Variants in LGR4 observed in about 807,000 individuals in gnomAD.
LGR4 encodes the protein leucine rich repeat containing G protein-coupled receptor 4.
A neutral mutation model predicts 84.8 loss-of-function variants in LGR4; 44 were observed. The observed-to-expected ratio is 0.52, with a 90% CI of 0.41 to 0.67. LGR4 has a LOEUF of 0.67. LGR4 is among the 30% of genes least tolerant of loss of function. The probability of loss-of-function intolerance (pLI) is 0.00; values close to 1 mark genes in which losing one functional copy is unlikely to be tolerated. For synonymous variants in LGR4, 429 were observed against 434.3 expected (o/e 0.99, Z 0.15); for missense variants, 1,032 against 1,131.4 (o/e 0.91, Z 1.26).
chr11:27,392,320 C>T (rs1590356909), intron 3 of LGR4, 127 bp downstream of exon 3: 1 of 686,666 alleles, frequency 1.5e-6, no homozygotes, highest in East Asian at 2.9e-5. Flanking sequence ...ATACTACTCA[C>T]TGGCCACTCC....
At position 27,461,836 on chromosome 11, in the gene LGR4, A is replaced by ATTTT. The variant is rs35205372; in HGVS notation, c.185+10278_185+10281dup. 6.9e-3 allele frequency among the ~76,000 whole-genome samples: 526 copies of ATTTT among 76,500 alleles called. 7 individuals are homozygous for ATTTT. The highest frequency in any genetic ancestry group is 0.013 in the Middle Eastern group (1 of 76). 50.2% of individuals were successfully genotyped at this position (76,500 alleles called of 152,430 possible). A position where few individuals can be genotyped will look rare whatever the true frequency, so the allele number is the denominator to read the frequency against. ...GAAGGTTCCCAAAGATTGAGTTAGG[A>ATTTT]TTTTTTTTTTTTTTTTTTTTTTTTT... On this transcript the variant is annotated intron_variant, in intron 1 of 17. Coordinates refer to ENST00000379214, the MANE Select transcript of LGR4 (RefSeq NM_018490.5).
chr11:27,418,516 A>C (rs1376218799), intron 1 of LGR4, among the ~76,000 whole-genome samples: 5 of 152,176 alleles, frequency 3.3e-5, no homozygotes, highest in Non-Finnish European at 5.9e-5. Context: ...TTCAGGTACC[A>C]AGGCTGAGTA....
intron 1 of LGR4, among the ~76,000 whole-genome samples, chr11:27,453,332 G>T (rs1864518487): frequency 6.6e-6 from 1 of 152,222 alleles, no homozygotes; most frequent in Admixed American, 6.5e-5. Context: ...CTCCCAAAGT[G>T]CTGGGATTAC....
intron 1 of LGR4, among the ~76,000 whole-genome samples, chr11:27,471,483 G>A (rs1864870670): frequency 6.6e-6 from 1 of 152,238 alleles, no homozygotes; most frequent in African/African-American, 2.4e-5. Context: ...ACTCCCCTGC[G>A]TGCTGCAGAA....
At chr11:27,385,966 A>T (rs1261813851) in intron 4 of LGR4, among the ~76,000 whole-genome samples, 1 of 152,190 alleles carries the variant, frequency 6.6e-6, no homozygotes, top group Non-Finnish European at 1.5e-5. Flanking sequence ...TATAGCAATA[A>T]AGAATCTAAA....
chr11:27,382,122 T>A, intron 7 of LGR4, 66 bp downstream of exon 7: 1 of 1,023,876 alleles, frequency 9.8e-7, no homozygotes, highest in Non-Finnish European at 1.5e-6. Context: ...TAAAATCCCA[T>A]TGTTGGAACA....
chr11:27,397,345 C>T (rs559752777), intron 2 of LGR4, among the ~76,000 whole-genome samples: 3 of 152,132 alleles, frequency 2.0e-5, no homozygotes, highest in African/African-American at 7.2e-5. Flanking sequence ...TCTTATTCTG[C>T]CTTTAGTTCC....
rs564355074 is a variant in LGR4, at chr11:27,459,110, ATGT to A, written c.185+13005_185+13007del. ...GTGAAAGGCAATAATTTCTTTTAGC[ATGT>A]TGTTATTCAGCTTATGTTCAGTAAT... On this transcript the variant is annotated intron_variant, in intron 1 of 17. Transcript: ENST00000379214. Among the ~76,000 whole-genome samples the A allele has an allele frequency of 1.6e-3, 248 of 152,328 alleles. 1 individual carries two copies. The highest frequency in any genetic ancestry group is 1.7e-3 in the Non-Finnish European group (116 of 68,018).
chr11:27,468,261 G>A lies in LGR4; in HGVS notation c.185+3857C>T, dbSNP rs189469461. ...CAGGATACATACACTGTGAAGGTTT[G>A]AGAGATTATGACTAATTATATGGAA... On this transcript the variant is annotated intron_variant, in intron 1 of 17. Transcript: ENST00000379214. Among the ~76,000 whole-genome samples, 36 of 152,282 alleles carry A rather than the reference G, an allele frequency of 2.4e-4. No homozygotes were observed. The East Asian group carries it at 3.1e-3, about 13-fold the overall frequency.
chr11:27,374,714 T>C (rs1862943482), intron 13 of LGR4, among the ~76,000 whole-genome samples: 1 of 152,116 alleles, frequency 6.6e-6, no homozygotes, highest in Non-Finnish European at 1.5e-5. Context: ...ACAAGGAAAC[T>C]CAACACACTT....
chr11:27,387,339 A>ATT (rs1346401238), intron 4 of LGR4, among the ~76,000 whole-genome samples: 2 of 152,166 alleles, frequency 1.3e-5, no homozygotes, highest in African/African-American at 4.8e-5. Flanking sequence ...ATACTCTAAA[A>ATT]ACTACCTCTG....
intron 1 of LGR4, among the ~76,000 whole-genome samples, chr11:27,444,779 T>A (rs1864359625): frequency 3.3e-5 from 5 of 152,194 alleles, no homozygotes; most frequent in Admixed American, 3.3e-4. Flanking sequence ...ATATAATCTT[T>A]CCGGGTTTTA....
At chr11:27,379,605 A>G (rs1863053521) in intron 10 of LGR4, among the ~76,000 whole-genome samples, 3 of 151,970 alleles carry the variant, frequency 2.0e-5, no homozygotes, top group South Asian at 4.2e-4. Context: ...CTGCAGTAAG[A>G]CTCCTGTGGC....
rs869261031 is a variant in LGR4 at position 27,435,915 on chromosome 11, C to CTT, written c.186-23057_186-23056dup. Among the ~76,000 whole-genome samples the CTT allele has an allele frequency of 3.6e-3, 522 of 144,858 alleles. 2 individuals carry two copies. The highest frequency in any genetic ancestry group is 0.012 in the African/African-American group (489 of 39,828). The stretch of plus-strand genomic sequence containing the variant: ...TTTTACAGAACTGGAAATGGAACTT[C>CTT]TTTTTTTTTTTTTGAGACGGAGTCT... On this transcript the variant is annotated intron_variant, in intron 1 of 17. Coordinates refer to ENST00000379214, the MANE Select transcript of LGR4 (RefSeq NM_018490.5).
At chr11:27,445,648 T>C (rs1186797065) in intron 1 of LGR4, among the ~76,000 whole-genome samples, 1 of 151,794 alleles carries the variant, frequency 6.6e-6, no homozygotes, top group Non-Finnish European at 1.5e-5. Context: ...GGAGGCCGAG[T>C]AGAAGGATGG....
chr11:27,441,457 T>G (rs868381388), intron 1 of LGR4, among the ~76,000 whole-genome samples: 1 of 151,720 alleles, frequency 6.6e-6, no homozygotes, highest in African/African-American at 2.4e-5. Flanking sequence ...GATTTCATCA[T>G]TACATAAAAA....
At chr11:27,422,300 T>C (rs992175446) in intron 1 of LGR4, among the ~76,000 whole-genome samples, 7 of 152,336 alleles carry the variant, frequency 4.6e-5, no homozygotes, top group Non-Finnish European at 7.3e-5. Context: ...GCTACACTTA[T>C]TAACGCGACT....
At chr11:27,461,390 A>G (rs1443775934) in intron 1 of LGR4, among the ~76,000 whole-genome samples, 4 of 152,094 alleles carry the variant, frequency 2.6e-5, no homozygotes, top group Non-Finnish European at 5.9e-5. Context: ...CAGTAAAATC[A>G]TAAAATAAAT....
intron 10 of LGR4, among the ~76,000 whole-genome samples, chr11:27,379,958 C>T (rs1342045148): frequency 5.9e-5 from 9 of 152,200 alleles, no homozygotes; most frequent in African/African-American, 1.4e-4. Context: ...CTACCTCCTC[C>T]GTGAAGCCTT....
Sources: allele counts gnomAD v4.1 joint callset (sites outside exome capture counted in the v4.1 genomes callset), GRCh38; gene constraint gnomAD v4.1.1; transcripts MANE v1.5; gene names NCBI Gene and HGNC (gene_info 2026-07-23, HGNC 2026-07-21).